Variants in TPD52 observed in about 807,000 individuals in gnomAD.
TPD52 encodes the protein prostate and colon associated protein.
TPD52 carries 17 observed loss-of-function variants against 31.3 expected under a neutral mutation model. The ratio of observed to expected loss-of-function variants is 0.54; its 90% CI spans 0.37 to 0.82. The LOEUF is 0.82. Among genes scored for constraint, TPD52 ranks in the 40% least tolerant of loss-of-function variants. The pLI, the probability that TPD52 is intolerant of heterozygous loss-of-function variation, is 0.00. For missense variants in TPD52, 212 were observed against 240.1 expected, an observed-to-expected ratio of 0.88 and a Z score of 0.77; for synonymous variants, 83 against 89.6, an observed-to-expected ratio of 0.93 and a Z score of 0.42.
At chr8:80,137,411 T>A (rs1234066559) in intron 1 of TPD52, among the ~76,000 whole-genome samples, 1 of 124,762 alleles carries the variant, frequency 8.0e-6, no homozygotes, top group Non-Finnish European at 1.7e-5. Context: ...ATGGAAACTA[T>A]ATGTTAGATT....
intron 1 of TPD52, among the ~76,000 whole-genome samples, chr8:80,095,573 TTAA>T (rs1816665211): frequency 6.6e-6 from 1 of 152,166 alleles, no homozygotes; most frequent in Admixed American, 6.5e-5. Context: ...ATTTAAGGTG[TTAA>T]TAATAAGGGA....
intron 1 of TPD52, among the ~76,000 whole-genome samples, chr8:80,161,146 TTGAGCAC>T (rs1452462944): frequency 1.3e-5 from 2 of 152,218 alleles, no homozygotes; most frequent in African/African-American, 2.4e-5. Context: ...GAAGTATTTA[TTGAGCAC>T]TATATCCAAT....
chr8:80,164,439 G>A (rs1811578384), intron 1 of TPD52, among the ~76,000 whole-genome samples: 1 of 152,192 alleles, frequency 6.6e-6, no homozygotes, highest in Admixed American at 6.5e-5. Flanking sequence ...AGGTGGAGGT[G>A]TTAAGATTTA....
chr8:80,103,807 G>C (rs776876776), intron 1 of TPD52, among the ~76,000 whole-genome samples: 2 of 152,176 alleles, frequency 1.3e-5, no homozygotes, highest in Non-Finnish European at 2.9e-5. Flanking sequence ...AACTAGGTTA[G>C]ACAAAAACCA....
At chr8:80,141,780 C>G (rs572433102) in intron 1 of TPD52, among the ~76,000 whole-genome samples, 6 of 152,064 alleles carry the variant, frequency 3.9e-5, no homozygotes, top group African/African-American at 1.4e-4. Context: ...CATGGTGGTG[C>G]GGGCCTGTTG....
intron 2 of TPD52, among the ~76,000 whole-genome samples, chr8:80,060,584 A>G (rs974004412): frequency 6.6e-5 from 10 of 152,184 alleles, no homozygotes; most frequent in Non-Finnish European, 1.2e-4. Context: ...ATCTCCTATG[A>G]ATATCCAGCA....
intron 5 of TPD52, 94 bp from the exon 6 acceptor site, chr8:80,044,302 T>TAAG: frequency 3.1e-6 from 3 of 965,366 alleles, no homozygotes; most frequent in Non-Finnish European, 3.0e-6. Flanking sequence ...CCCCAGGAGC[T>TAAG]TTATTCTCTT....
At chr8:80,121,904 G>A (rs1374065010) in intron 1 of TPD52, among the ~76,000 whole-genome samples, 3 of 151,960 alleles carry the variant, frequency 2.0e-5, no homozygotes, top group Middle Eastern at 3.4e-3. Flanking sequence ...ATAAGACACA[G>A]TAAAAGGGTT....
chr8:80,096,553 C>T (rs1816760918), intron 1 of TPD52, among the ~76,000 whole-genome samples: 1 of 152,148 alleles, frequency 6.6e-6, no homozygotes, highest in Admixed American at 6.5e-5. Flanking sequence ...TGCCATTATT[C>T]CAGCAGCACA....
At chr8:80,042,561 A>C in intron 7 of TPD52, 59 bp downstream of exon 7, 2 of 1,561,150 alleles carry the variant, frequency 1.3e-6, no homozygotes, top group Non-Finnish European at 1.7e-6. Flanking sequence ...TTCGCACAGC[A>C]AAGTTAATTA....
downstream of TPD52, among the ~76,000 whole-genome samples, chr8:80,033,948 G>C (rs1398152100): frequency 6.6e-6 from 1 of 152,088 alleles, no homozygotes; most frequent in Non-Finnish European, 1.5e-5. Flanking sequence ...GCTTCAGGCT[G>C]TCCCTGGCTT....
chr8:80,061,466 C>T (rs1211921445), intron 2 of TPD52, among the ~76,000 whole-genome samples: 1 of 147,794 alleles, frequency 6.8e-6, no homozygotes, highest in Non-Finnish European at 1.5e-5. Flanking sequence ...CTTTGAGAGG[C>T]CTTGGCAGGA....
intron 1 of TPD52, among the ~76,000 whole-genome samples, chr8:80,168,426 C>T (rs1473148829): frequency 2.6e-5 from 4 of 152,054 alleles, no homozygotes; most frequent in Non-Finnish European, 5.9e-5. Context: ...TTTTAAGGGA[C>T]AAATATAAGA....
intron 1 of TPD52, among the ~76,000 whole-genome samples, chr8:80,107,967 T>A (rs1807248258): frequency 6.6e-6 from 1 of 152,168 alleles, no homozygotes; most frequent in Non-Finnish European, 1.5e-5. Flanking sequence ...ATGAATTGCT[T>A]GATCTTGATG....
intron 1 of TPD52, among the ~76,000 whole-genome samples, chr8:80,164,719 A>G (rs549751482): frequency 6.6e-6 from 1 of 152,144 alleles, no homozygotes; most frequent in African/African-American, 2.4e-5. Flanking sequence ...CCCCATCTCT[A>G]CTAAAAAATA....
chr8:80,050,402 T>G (rs1229145373), intron 5 of TPD52, 43 bp downstream of exon 5: 2 of 1,580,060 alleles, frequency 1.3e-6, no homozygotes, highest in East Asian at 2.3e-5. Context: ...ACACTTTTCT[T>G]ATACAACTGC....
intron 2 of TPD52, among the ~76,000 whole-genome samples, chr8:80,062,523 T>A (rs73259836): frequency 6.9e-4 from 105 of 152,256 alleles, no homozygotes; most frequent in African/African-American, 2.3e-3. Context: ...ACCAAAACCA[T>A]AATGAGATAT....
chr8:80,105,679 C>T (rs1190867584), intron 1 of TPD52, among the ~76,000 whole-genome samples: 1 of 151,672 alleles, frequency 6.6e-6, no homozygotes, highest in African/African-American at 2.4e-5. Flanking sequence ...TTAAGCAATC[C>T]TCCCGTCTCA....
At chr8:80,056,797 G>A (rs959218531) in intron 2 of TPD52, among the ~76,000 whole-genome samples, 6 of 152,164 alleles carry the variant, frequency 3.9e-5, no homozygotes, top group Non-Finnish European at 8.8e-5. Flanking sequence ...CAGTTTGACA[G>A]CTCCTCAAAA....
Sources: gnomAD v4.1 joint callset for allele counts (sites outside exome capture counted in the v4.1 genomes callset) on GRCh38, gnomAD v4.1.1 for gene constraint, MANE v1.5 for transcripts, NCBI Gene and HGNC (gene_info 2026-07-23, HGNC 2026-07-21) for gene names.